The following SLC35F2 variants were observed in gnomAD, a reference collection of about 807,000 sequenced individuals.
SLC35F2 encodes the protein queuine/queuosine transporter SLC35F2.
In SLC35F2, 25 loss-of-function variants were observed where a neutral mutation model predicts 38.1. That is an observed-to-expected ratio of 0.66 (90% CI 0.48 to 0.92). The LOEUF (loss-of-function observed/expected upper bound fraction) is 0.92. Ranked by LOEUF, SLC35F2 falls within the 40% of genes least tolerant of loss-of-function variation. The pLI is 0.00. For missense variants in SLC35F2, 409 were observed against 452.9 expected (o/e 0.90, Z 0.88); for synonymous variants, 173 against 181.7 (o/e 0.95, Z 0.38).
chr11:107,834,718 C>G (rs1824594358), intron 1 of SLC35F2, among the ~76,000 whole-genome samples: 1 of 152,248 alleles, frequency 6.6e-6, no homozygotes. Context: ...AAAATACAGG[C>G]TAATGCGATT....
chr11:107,792,443 G>C lies in SLC35F2; in HGVS notation c.*172C>G, dbSNP rs1315639124. ...CTTAGCTTGGTTTCTGCTCTATTTT[G>C]GTATTTCTACTTTTGAACTTTGTTC... On this transcript the variant is annotated 3_prime_UTR_variant, in exon 8 of 8. Coordinates refer to ENST00000525815, the MANE Select transcript of SLC35F2 (RefSeq NM_017515.5). 3 of 683,260 alleles carry C rather than the reference G, an allele frequency of 4.4e-6. No individual in the cohort carries two copies. Among genetic ancestry groups the C allele is most frequent in the Non-Finnish European group, 6.9e-6 (3 of 431,662 alleles). The allele number at this position is 683,260 out of a possible 1,614,324, so 42.3% of individuals were successfully genotyped here.
At chr11:107,798,086 C>A (rs1052273184) in intron 7 of SLC35F2, among the ~76,000 whole-genome samples, 10 of 152,112 alleles carry the variant, frequency 6.6e-5, no homozygotes, top group African/African-American at 2.4e-4. Flanking sequence ...TCAGTGCAAC[C>A]TCTACCTCCT....
At chr11:107,806,606 A>T in intron 4 of SLC35F2, 111 bp downstream of exon 4, 2 of 971,010 alleles carry the variant, frequency 2.1e-6, no homozygotes, top group Non-Finnish European at 3.3e-6. Context: ...TCTCACCTAC[A>T]CAGTGACTTA....
chr11:107,836,328 C>G (rs1395108640), intron 1 of SLC35F2, among the ~76,000 whole-genome samples: 2 of 128,736 alleles, frequency 1.6e-5, no homozygotes, highest in Non-Finnish European at 3.2e-5. Flanking sequence ...TCTTTGTGCT[C>G]TAAAGCTTTT....
intron 3 of SLC35F2, chr11:107,809,672 G>A (rs1470814878): frequency 1.0e-6 from 1 of 981,358 alleles, no homozygotes; most frequent in Non-Finnish European, 1.2e-6. Flanking sequence ...TGTCTTCTCT[G>A]TTTCAGTTCG....
intron 1 of SLC35F2, among the ~76,000 whole-genome samples, chr11:107,829,009 G>A (rs1194897016): frequency 6.6e-6 from 1 of 151,702 alleles, no homozygotes; most frequent in African/African-American, 2.4e-5. Context: ...TCAGGAGGCT[G>A]AGGCAGGAGA....
chr11:107,830,330 A>C (rs779849393), intron 1 of SLC35F2, among the ~76,000 whole-genome samples: 4 of 152,144 alleles, frequency 2.6e-5, no homozygotes, highest in Non-Finnish European at 5.9e-5. Context: ...TCACGCCTGT[A>C]ATCTCAGCAC....
chr11:107,811,252 T>C, intron 3 of SLC35F2: 1 of 985,336 alleles, frequency 1.0e-6, no homozygotes, highest in Non-Finnish European at 1.2e-6. Flanking sequence ...CTCCCAAAAA[T>C]GTCTACTGGG....
chr11:107,858,724 A>G lies in SLC35F2; in HGVS notation c.44T>C (p.Leu15Pro). The G allele has an allele frequency of 7.7e-7, 1 of 1,296,426 alleles. No homozygotes were observed. Among genetic ancestry groups the G allele is most frequent in the Admixed American group, 3.3e-5 (1 of 30,346 alleles). The allele number at this position is 1,296,426 out of a possible 1,614,324, so 80.3% of individuals were successfully genotyped here. ...SPAGPGAPEP[L>P]AEGAAAEFSS... ...GAACTCGGCCGCCGCTCCCTCCGCG[A>G]GGGGCTCTGGGGCGCCGGGGCCCGC... Residue 15 changes from leucine (L) to proline (P), a missense_variant, in exon 1 of 8, where the codon CTC (leucine) becomes CCC (proline). By Grantham distance (98) the Leu-to-Pro change is moderately conservative. Coordinates refer to ENST00000525815, the MANE Select transcript of SLC35F2 (RefSeq NM_017515.5).
At chr11:107,799,337 A>T (rs1859268037) in intron 7 of SLC35F2, among the ~76,000 whole-genome samples, 1 of 152,234 alleles carries the variant, frequency 6.6e-6, no homozygotes, top group African/African-American at 2.4e-5. Flanking sequence ...TATGTGGCCA[A>T]AAAATGACAT....
chr11:107,803,394 G>A, intron 6 of SLC35F2: 6 of 985,360 alleles, frequency 6.1e-6, no homozygotes, highest in Non-Finnish European at 7.2e-6. Flanking sequence ...GGATGATCAA[G>A]GTCAGAAAAT....
intron 1 of SLC35F2, among the ~76,000 whole-genome samples, chr11:107,852,975 T>C (rs1019897594): frequency 6.6e-5 from 10 of 151,782 alleles, no homozygotes; most frequent in Admixed American, 2.0e-4. Context: ...ACTCAGGAGA[T>C]CATGACACTG....
intron 4 of SLC35F2, 90 bp downstream of exon 4, chr11:107,806,627 C>T (rs377436128): frequency 8.3e-7 from 1 of 1,199,292 alleles, no homozygotes; most frequent in Admixed American, 1.8e-5. Flanking sequence ...AAAAGAAATA[C>T]TCCAGTAAAC....
chr11:107,803,625 G>T, intron 6 of SLC35F2: 1 of 467,038 alleles, frequency 2.1e-6, no homozygotes, highest in Non-Finnish European at 2.8e-6. Flanking sequence ...CAGTTATTAG[G>T]TCCATTGTAT....
intron 3 of SLC35F2, chr11:107,810,185 G>A (rs916667543): frequency 1.4e-5 from 14 of 985,386 alleles, no homozygotes; most frequent in Non-Finnish European, 1.7e-5. Flanking sequence ...CTTGTTAGAT[G>A]CCTTTTTTAT....
intron 6 of SLC35F2, chr11:107,803,532 A>G (rs1859347127): frequency 2.0e-6 from 2 of 983,432 alleles, no homozygotes; most frequent in Non-Finnish European, 2.4e-6. Flanking sequence ...AAAATCACTC[A>G]TTATGTTTTC....
intron 2 of SLC35F2, among the ~76,000 whole-genome samples, chr11:107,814,234 G>A (rs920025320): frequency 2.0e-5 from 3 of 151,998 alleles, no homozygotes; most frequent in African/African-American, 4.8e-5. Flanking sequence ...TTGGGAGGCC[G>A]AGGCAGACAG....
chr11:107,814,526 G>A (rs1402967661), intron 2 of SLC35F2, among the ~76,000 whole-genome samples: 1 of 151,938 alleles, frequency 6.6e-6, no homozygotes, highest in East Asian at 1.9e-4. Flanking sequence ...GAATGAATAG[G>A]TGGAGCAGAG....
chr11:107,810,572 G>A (rs1049166139), intron 3 of SLC35F2: 7 of 985,234 alleles, frequency 7.1e-6, no homozygotes, highest in Non-Finnish European at 8.4e-6. Flanking sequence ...CTAGGTAACT[G>A]CTGGGTTTAA....
Sources: gnomAD v4.1 joint callset for allele counts (sites outside exome capture counted in the v4.1 genomes callset) on GRCh38, gnomAD v4.1.1 for gene constraint, MANE v1.5 for transcripts, NCBI Gene and HGNC (gene_info 2026-07-23, HGNC 2026-07-21) for gene names.